Variants in ATP10B observed in about 807,000 individuals in gnomAD.
ATP10B encodes phospholipid-transporting ATPase VB.
A neutral mutation model predicts 141.2 loss-of-function variants in ATP10B; 122 were observed. The observed-to-expected ratio is 0.86, with a 90% CI of 0.75 to 1.00. The LOEUF is 1.00. ATP10B is among the 50% of genes least tolerant of loss of function. ATP10B has a pLI of 0.00. For missense variants in ATP10B, 1,876 were observed against 1,825.3 expected (o/e 1.03, Z -0.51); for synonymous variants, 685 against 692.0 (o/e 0.99, Z 0.16).
intron 1 of ATP10B, among the ~76,000 whole-genome samples, chr5:160,832,570 G>A (rs951096579): frequency 1.3e-5 from 2 of 152,076 alleles, no homozygotes; most frequent in African/African-American, 4.8e-5. Context: ...TGTATCTGGA[G>A]AACAAGGAGA....
chr5:160,808,012 A>G (rs1772900632), intron 1 of ATP10B, among the ~76,000 whole-genome samples: 1 of 152,188 alleles, frequency 6.6e-6, no homozygotes, highest in African/African-American at 2.4e-5. Context: ...CTCTACTATA[A>G]TAGCTTGAAT....
intron 24 of ATP10B, 126 bp from the exon 25 acceptor site, chr5:160,569,809 A>G: frequency 1.3e-6 from 1 of 746,412 alleles, no homozygotes; most frequent in Non-Finnish European, 2.1e-6. Context: ...AATTCAAAAA[A>G]GTGTGCAGCT....
intron 1 of ATP10B, among the ~76,000 whole-genome samples, chr5:160,807,302 T>A (rs1322417681): frequency 6.6e-6 from 1 of 152,180 alleles, no homozygotes; most frequent in African/African-American, 2.4e-5. Flanking sequence ...GAAACTTAAT[T>A]TTCACTGTAA....
intron 19 of ATP10B, among the ~76,000 whole-genome samples, chr5:160,604,832 G>A (rs1220020681): frequency 6.6e-6 from 1 of 152,158 alleles, no homozygotes; most frequent in African/African-American, 2.4e-5. Context: ...AGCCACATGT[G>A]TCTATGGAAA....
At chr5:160,577,910 G>A in intron 24 of ATP10B, among the ~76,000 whole-genome samples, 1 of 151,702 alleles carries the variant, frequency 6.6e-6, no homozygotes, top group South Asian at 2.1e-4. Flanking sequence ...TATATATTAG[G>A]TCAAACAATT....
chr5:160,828,689 C>T (rs1774819733), intron 1 of ATP10B, among the ~76,000 whole-genome samples: 1 of 151,832 alleles, frequency 6.6e-6, no homozygotes, highest in Admixed American at 6.6e-5. Flanking sequence ...CCATTTGATC[C>T]AGCCATCCCA....
At chr5:160,723,631 C>G (rs552530298) in intron 2 of ATP10B, among the ~76,000 whole-genome samples, 2 of 152,106 alleles carry the variant, frequency 1.3e-5, no homozygotes, top group African/African-American at 4.8e-5. Flanking sequence ...TTCTCTCTCT[C>G]CCCTTCATTC....
the ATP10B span, among the ~76,000 whole-genome samples, chr5:160,898,194 A>G: frequency 4.9e-4 from 75 of 152,348 alleles, no homozygotes; most frequent in East Asian, 0.011. Context: ...AAAAGAAACT[A>G]TCATTAGAGT....
chr5:160,715,552 G>T (rs925162898), intron 3 of ATP10B, among the ~76,000 whole-genome samples: 4 of 149,374 alleles, frequency 2.7e-5, no homozygotes, highest in Admixed American at 6.6e-5. Context: ...ACCTCAGATG[G>T]AAATGCAGAA....
chr5:160,691,739 T>C (rs1300545124), intron 3 of ATP10B: 1 of 152,196 alleles, frequency 6.6e-6, no homozygotes, highest in East Asian at 1.9e-4. Context: ...CTCATAGCTT[T>C]CGTCAATCCA....
chr5:160,673,156 T>C (rs1002455743), intron 6 of ATP10B, among the ~76,000 whole-genome samples: 1 of 152,234 alleles, frequency 6.6e-6, no homozygotes, highest in Non-Finnish European at 1.5e-5. Context: ...CTGGGGGTGA[T>C]GCGTCTGTAG....
intron 18 of ATP10B, among the ~76,000 whole-genome samples, chr5:160,609,178 G>A (rs150504469): frequency 6.6e-6 from 1 of 152,160 alleles, no homozygotes; most frequent in East Asian, 1.9e-4. Flanking sequence ...GGCAAGGGAG[G>A]ATGATTTTAC....
intron 3 of ATP10B, among the ~76,000 whole-genome samples, chr5:160,707,635 T>C (rs533550686): frequency 6.6e-6 from 1 of 152,318 alleles, no homozygotes; most frequent in East Asian, 1.9e-4. Context: ...TAGACCAAAG[T>C]TGTTAATCTG....
intron 13 of ATP10B, 145 bp downstream of exon 13, chr5:160,631,984 A>G (rs1190152842): frequency 3.3e-6 from 2 of 604,512 alleles, no homozygotes; most frequent in Admixed American, 2.8e-5. Context: ...CCAACAAAAC[A>G]CATGTGTGGA....
chr5:160,663,005 A>T (rs1395952802), intron 7 of ATP10B, among the ~76,000 whole-genome samples: 1 of 152,248 alleles, frequency 6.6e-6, no homozygotes, highest in Non-Finnish European at 1.5e-5. Flanking sequence ...TCTCAAAAGA[A>T]GACATTGATG....
intron 2 of ATP10B, among the ~76,000 whole-genome samples, chr5:160,738,591 T>A (rs1405533400): frequency 6.6e-6 from 1 of 152,028 alleles, no homozygotes; most frequent in Non-Finnish European, 1.5e-5. Context: ...GAAAGGATAA[T>A]AAAGGAACAT....
Position 160,569,583 on chromosome 5 carries a change from T to C in ATP10B, c.3851A>G (p.Asn1284Ser). 2 of 1,613,554 alleles carry C rather than the reference T, an allele frequency of 1.2e-6. No homozygotes were observed. Among genetic ancestry groups the C allele is most frequent in the South Asian group, 1.1e-5 (1 of 91,036 alleles). Residue 1284 changes from asparagine (N) to serine (S), a missense_variant, in exon 25 of 26, where the codon AAT becomes AGT. Physicochemically the swap from Asn to Ser is conservative, Grantham distance 46. Transcript: ENST00000327245. ...CTGGCCTTCCATCACCCAATAGGGA[T>C]TGGTGGGGCTGTTGCAGATGACGCA... is the stretch of plus-strand genomic sequence containing the variant. ...ATCVICNSPT[N>S]PYWVMEGQLS...
chr5:160,685,205 TC>T, intron 6 of ATP10B: 2 of 603,870 alleles, frequency 3.3e-6, no homozygotes, highest in Non-Finnish European at 5.9e-6. Flanking sequence ...CACCTTTTCC[TC>T]CCTTCCTTTT....
At chr5:160,800,365 T>A (rs1018622898) in intron 1 of ATP10B, among the ~76,000 whole-genome samples, 2 of 152,252 alleles carry the variant, frequency 1.3e-5, no homozygotes, top group African/African-American at 4.8e-5. Flanking sequence ...TGGCTTATAA[T>A]GATGATTACA....
Sources: allele counts gnomAD v4.1 joint callset (sites outside exome capture counted in the v4.1 genomes callset), GRCh38; gene constraint gnomAD v4.1.1; transcripts MANE v1.5; gene names NCBI Gene and HGNC (gene_info 2026-07-23, HGNC 2026-07-21).